SERINC1: variants seen among roughly 807,000 people sequenced by gnomAD.
SERINC1 encodes tumor differentially expressed protein 2.
A neutral mutation model predicts 52.9 loss-of-function variants in SERINC1; 38 were observed. That is an observed-to-expected ratio of 0.72 (90% confidence interval 0.55 to 0.94). The LOEUF (loss-of-function observed/expected upper bound fraction) is 0.94, where lower values mean the gene tolerates loss of function less well. SERINC1 is among the 40% of genes least tolerant of loss of function. SERINC1 has a pLI of 0.00. For synonymous variants in SERINC1, 198 were observed against 183.1 expected (o/e 1.08, Z -0.66); for missense variants, 471 against 533.9 (o/e 0.88, Z 1.16).
intron 7 of SERINC1, among the ~76,000 whole-genome samples, chr6:122,448,279 T>C (rs1393202590): frequency 6.6e-6 from 1 of 152,072 alleles, no homozygotes; most frequent in Non-Finnish European, 1.5e-5. Context: ...CTACTAATAA[T>C]TTTTTTCTAA....
At position 122,468,961 on chromosome 6, in the gene SERINC1, G is replaced by C. The variant is rs945537918; in HGVS notation, c.39+2738C>G. 2.6e-5 allele frequency among the ~76,000 whole-genome samples: 4 copies of C among 152,280 alleles called. No individual in the cohort carries two copies. In the South Asian group the frequency reaches 8.3e-4, roughly 32 times the overall value. ...TTGAGACTGGGATGGGGAAAAGCAT[G>C]TAAGTAGGTATTAGTGATTGGTAAT... On this transcript the variant is annotated intron_variant, in intron 1 of 9. Coordinates refer to ENST00000339697, the MANE Select transcript of SERINC1 (RefSeq NM_020755.4).
intron 1 of SERINC1, among the ~76,000 whole-genome samples, chr6:122,470,030 A>G (rs1475960858): frequency 1.3e-5 from 2 of 152,214 alleles, no homozygotes; most frequent in Admixed American, 6.5e-5. Context: ...AGAAAAGGGA[A>G]AAAGATTACT....
chr6:122,457,635 G>A (rs1360440352), intron 2 of SERINC1, among the ~76,000 whole-genome samples: 1 of 152,012 alleles, frequency 6.6e-6, no homozygotes, highest in African/African-American at 2.4e-5. Flanking sequence ...TTTCAAAAAT[G>A]TAAGATGGCC....
intron 1 of SERINC1, among the ~76,000 whole-genome samples, chr6:122,468,001 T>C (rs531887702): frequency 2.6e-5 from 4 of 152,206 alleles, no homozygotes; most frequent in African/African-American, 7.2e-5. Context: ...CCAAAAGAAA[T>C]ACTGTCTCCA....
chr6:122,447,622 C>T (rs1582629580), intron 7 of SERINC1, among the ~76,000 whole-genome samples: 2 of 152,014 alleles, frequency 1.3e-5, no homozygotes, highest in South Asian at 4.1e-4. Flanking sequence ...AGATTATAAA[C>T]CACAATGCAC....
intron 1 of SERINC1, 98 bp downstream of exon 1, chr6:122,471,601 G>T: frequency 6.9e-7 from 1 of 1,455,042 alleles, no homozygotes; most frequent in Non-Finnish European, 9.6e-7. Context: ...TGTTGGGTGG[G>T]GCACCACATT....
At chr6:122,460,055 T>A (rs886614027) in intron 1 of SERINC1, among the ~76,000 whole-genome samples, 25 of 152,100 alleles carry the variant, frequency 1.6e-4, no homozygotes, top group Non-Finnish European at 1.8e-4. Context: ...GCCCTATGAC[T>A]GGCCCTTATT....
intron 1 of SERINC1, among the ~76,000 whole-genome samples, chr6:122,465,177 T>A (rs895803741): frequency 6.6e-6 from 1 of 152,198 alleles, no homozygotes; most frequent in Non-Finnish European, 1.5e-5. Flanking sequence ...AAAGCTGAAT[T>A]CTAAGTTATC....
At chr6:122,466,456 C>T (rs1472922908) in intron 1 of SERINC1, among the ~76,000 whole-genome samples, 1 of 152,064 alleles carries the variant, frequency 6.6e-6, no homozygotes, top group Admixed American at 6.6e-5. Context: ...AAGCTGAGAT[C>T]ACAGATACGC....
In SERINC1 at chr6:122,458,596, T is replaced by C. The variant is rs1471648680; in HGVS notation, c.125A>G (p.Tyr42Cys). Residue 42 changes from tyrosine (Y) to cysteine (C), a missense_variant, in exon 2 of 10, where the codon TAT (tyrosine) becomes TGT (cysteine). Tyr to Cys is a radical substitution (Grantham distance 194). Transcript: ENST00000339697. The stretch of plus-strand genomic sequence containing the variant: ...TACTCCAACAAGCAAGAAAAGTGCA[T>C]AGATCAATCTAGTTACAGTGGAGTT... The part of the protein sequence containing the change: ...GNNSTVTRLI[Y>C]ALFLLVGVCV... 1.2e-6 allele frequency: 2 copies of C among 1,613,132 alleles called. No homozygotes were observed. The highest frequency in any genetic ancestry group is 2.2e-5 in the East Asian group (1 of 44,838).
chr6:122,458,044 A>G (rs1775031449), intron 2 of SERINC1, among the ~76,000 whole-genome samples: 1 of 152,136 alleles, frequency 6.6e-6, no homozygotes, highest in African/African-American at 2.4e-5. Flanking sequence ...TTACATCCAG[A>G]AAATCTTATT....
chr6:122,447,627 A>G (rs1774829911), intron 7 of SERINC1, among the ~76,000 whole-genome samples: 1 of 152,156 alleles, frequency 6.6e-6, no homozygotes, highest in South Asian at 2.1e-4. Flanking sequence ...ATAAACCACA[A>G]TGCACTGGCT....
chr6:122,470,716 A>G lies in SERINC1; in HGVS notation c.39+983T>C, dbSNP rs371651843. On this transcript the variant is annotated intron_variant, in intron 1 of 9. Transcript: ENST00000339697. ...CATATCAAAACCTTTAAGAGTATAT[A>G]TAACGGAATCATTTGGGAAGTCAGA... is the stretch of plus-strand genomic sequence containing the variant. 5.9e-5 allele frequency among the ~76,000 whole-genome samples: 9 copies of G among 152,282 alleles called. No homozygotes were observed. The South Asian group carries it at 1.0e-3, about 18-fold the overall frequency.
rs578191986 is a variant in SERINC1 at position 122,443,747 on chromosome 6, A to G, written c.*1297T>C. ...ACCAGCAATCCACATCACATAAATT[A>G]TCCACCAGTAATGAGGTGTAAAATC... On this transcript the variant is annotated 3_prime_UTR_variant, in exon 10 of 10. Transcript: ENST00000339697. 6.6e-6 allele frequency: 1 copy of G among 152,352 alleles called. No individual in the cohort carries two copies. The highest frequency in any genetic ancestry group is 2.1e-4 in the South Asian group (1 of 4,830). 9.4% of individuals were successfully genotyped at this position (152,352 alleles called of 1,614,324 possible).
intron 7 of SERINC1, 100 bp from the exon 8 acceptor site, chr6:122,447,365 A>G: frequency 1.2e-6 from 1 of 834,512 alleles, no homozygotes; most frequent in Non-Finnish European, 1.9e-6. Flanking sequence ...CTGCAAATTG[A>G]GAAACAATTG....
In SERINC1 at chr6:122,454,189, A is replaced by C. The variant is rs1489906861; in HGVS notation, c.413T>G (p.Ile138Ser). The C allele has an allele frequency of 6.3e-7, 1 of 1,590,646 alleles. No individual in the cohort carries two copies. Among genetic ancestry groups the C allele is most frequent in the Admixed American group, 1.8e-5 (1 of 56,980 alleles). The change falls in exon 4 of 10, where the codon ATT (isoleucine) becomes AGT (serine). Residue 138 changes from isoleucine to serine, a missense_variant. Ile to Ser is a moderately radical substitution (Grantham distance 142). Coordinates refer to ENST00000339697, the MANE Select transcript of SERINC1 (RefSeq NM_020755.4). ...TCCTTCTGGAATGAAGAATGCCCCA[A>C]TAATAATTGCAATTGCTGCAGCAAA... ...FKFAAAIAII[I>S]GAFFIPEGTF...
At position 122,458,672 on chromosome 6, in the gene SERINC1, A is replaced by C; in HGVS notation, c.49T>G (p.Leu17Val). The C allele has an allele frequency of 6.3e-7, 1 of 1,596,004 alleles. No homozygotes were observed. Among genetic ancestry groups the C allele is most frequent in the Non-Finnish European group, 8.6e-7 (1 of 1,168,988 alleles). The part of the protein sequence containing the change: ...LCSMASWIPC[L>V]CGSAPCLLCR... The stretch of plus-strand genomic sequence containing the variant: ...AGCAAACACGGGGCACTTCCACACA[A>C]ACATGGTATCTGGGAAAAAGAATAT... Residue 17 changes from leucine (L) to valine (V), a missense_variant, in exon 2 of 10, where the codon TTG becomes GTG. Coordinates refer to ENST00000339697, the MANE Select transcript of SERINC1 (RefSeq NM_020755.4).
At chr6:122,453,281 C>T (rs969188583) in intron 5 of SERINC1, among the ~76,000 whole-genome samples, 1 of 152,178 alleles carries the variant, frequency 6.6e-6, no homozygotes, top group African/African-American at 2.4e-5. Context: ...TCATTAATTA[C>T]ATTACTATAG....
At chr6:122,462,140 A>G (rs1040885342) in intron 1 of SERINC1, among the ~76,000 whole-genome samples, 12 of 152,208 alleles carry the variant, frequency 7.9e-5, no homozygotes, top group Admixed American at 3.3e-4. Context: ...GGTCATCTCA[A>G]TAGATACAGA....
Sources: gnomAD v4.1 joint callset for allele counts (sites outside exome capture counted in the v4.1 genomes callset) on GRCh38, gnomAD v4.1.1 for gene constraint, MANE v1.5 for transcripts, NCBI Gene and HGNC (gene_info 2026-07-23, HGNC 2026-07-21) for gene names.